NKAIN2: variants seen among roughly 807,000 people sequenced by gnomAD.
NKAIN2 encodes sodium/potassium-transporting ATPase subunit beta-1-interacting protein 2.
NKAIN2 carries 14 observed loss-of-function variants against 32.6 expected under a neutral mutation model. The observed-to-expected ratio is 0.43, with a 90% CI of 0.28 to 0.67. The LOEUF is 0.67. Ranked by LOEUF, NKAIN2 falls within the 30% of genes least tolerant of loss-of-function variation. NKAIN2 has a pLI of 0.17. For synonymous variants in NKAIN2, 80 were observed against 87.2 expected (o/e 0.92, Z 0.46); for missense variants, 198 against 258.3 (o/e 0.77, Z 1.60).
At chr6:124,466,471 A>G (rs762595971) in intron 3 of NKAIN2, among the ~76,000 whole-genome samples, 1 of 152,078 alleles carries the variant, frequency 6.6e-6, no homozygotes, top group Non-Finnish European at 1.5e-5. Flanking sequence ...GGACAGGTTA[A>G]TCTTCTTTTC....
At chr6:124,571,954 AC>A in intron 3 of NKAIN2, among the ~76,000 whole-genome samples, 1 of 151,760 alleles carries the variant, frequency 6.6e-6, no homozygotes, top group Admixed American at 6.6e-5. Flanking sequence ...TTCTTCTCCC[AC>A]TCACTCTGCC....
At chr6:124,686,380 G>T (rs781441259) in intron 4 of NKAIN2, among the ~76,000 whole-genome samples, 2 of 152,092 alleles carry the variant, frequency 1.3e-5, no homozygotes, top group Non-Finnish European at 2.9e-5. Context: ...CTCAGCTTCT[G>T]GAAAGGCCTC....
At chr6:124,010,017 A>T (rs940096575) in intron 1 of NKAIN2, among the ~76,000 whole-genome samples, 6 of 152,172 alleles carry the variant, frequency 3.9e-5, no homozygotes, top group Admixed American at 2.0e-4. Flanking sequence ...TAACAAGATG[A>T]GTATTTAAAG....
intron 1 of NKAIN2, among the ~76,000 whole-genome samples, chr6:124,071,165 A>G (rs1783445414): frequency 6.6e-6 from 1 of 152,196 alleles, no homozygotes; most frequent in Non-Finnish European, 1.5e-5. Context: ...GCCATAATCT[A>G]CAGGCCTCTG....
chr6:124,784,447 T>C (rs755296536), intron 4 of NKAIN2, among the ~76,000 whole-genome samples: 6 of 152,158 alleles, frequency 3.9e-5, no homozygotes, highest in Non-Finnish European at 7.4e-5. Context: ...AGTTTTATTA[T>C]GTCAAGAATG....
chr6:124,733,065 G>A (rs756972303), intron 4 of NKAIN2, among the ~76,000 whole-genome samples: 14 of 151,934 alleles, frequency 9.2e-5, no homozygotes, highest in South Asian at 4.1e-4. Context: ...AGTCAGAAAT[G>A]TTCCTAGACT....
chr6:123,887,232 AATG>A (rs747811534), intron 1 of NKAIN2, among the ~76,000 whole-genome samples: 4 of 152,144 alleles, frequency 2.6e-5, no homozygotes, highest in Non-Finnish European at 4.4e-5. Context: ...AGCTGCTGGT[AATG>A]ATGAGTCTGT....
chr6:124,584,384 G>A (rs925435927), intron 3 of NKAIN2, among the ~76,000 whole-genome samples: 2 of 152,120 alleles, frequency 1.3e-5, no homozygotes, highest in African/African-American at 2.4e-5. Context: ...AGGCATGGTG[G>A]CTTACATTTC....
intron 4 of NKAIN2, among the ~76,000 whole-genome samples, chr6:124,707,597 G>A (rs950481708): frequency 5.9e-5 from 8 of 135,676 alleles, no homozygotes; most frequent in African/African-American, 1.2e-4. Flanking sequence ...GCCAGTGATG[G>A]TGAGCATTTT....
At chr6:124,699,969 G>A (rs1182936182) in intron 4 of NKAIN2, among the ~76,000 whole-genome samples, 1 of 152,058 alleles carries the variant, frequency 6.6e-6, no homozygotes, top group African/African-American at 2.4e-5. Flanking sequence ...AACAAATGGG[G>A]GAACAATTAC....
In NKAIN2 at chr6:124,644,664, C is replaced by T. The variant is rs145528262; in HGVS notation, c.274-13522C>T. Among the ~76,000 whole-genome samples, 315 of 152,272 alleles carry T rather than the reference C, an allele frequency of 2.1e-3. 1 individual carries two copies. The highest frequency in any genetic ancestry group is 7.1e-3 in the African/African-American group (297 of 41,556). On this transcript the variant is annotated intron_variant, in intron 3 of 6. Transcript: ENST00000368417. The stretch of plus-strand genomic sequence containing the variant: ...TGTGATCCGCCTGCCTCGGCCCCCC[C>T]AAAGTGCTGGGATTATATGGCATGA...
At chr6:124,028,906 C>T (rs200171634) in intron 1 of NKAIN2, among the ~76,000 whole-genome samples, 1 of 14,984 alleles carries the variant, frequency 6.7e-5, no homozygotes, top group Non-Finnish European at 1.1e-4. Context: ...TATATATACA[C>T]ATATATGTAT....
chr6:124,486,145 C>T (rs923324732), intron 3 of NKAIN2, among the ~76,000 whole-genome samples: 3 of 152,136 alleles, frequency 2.0e-5, no homozygotes, highest in African/African-American at 7.2e-5. Flanking sequence ...GCTTCAATAA[C>T]ACAAAATGAA....
At chr6:124,023,056 ATG>A (rs1373516742) in intron 1 of NKAIN2, among the ~76,000 whole-genome samples, 1 of 151,466 alleles carries the variant, frequency 6.6e-6, no homozygotes, top group Non-Finnish European at 1.5e-5. Context: ...GTATGTATGT[ATG>A]TATGTATAAG....
In NKAIN2 at chr6:123,911,883, G is replaced by A. The variant is rs941848023; in HGVS notation, c.54+107629G>A. Among the ~76,000 whole-genome samples the A allele has an allele frequency of 2.1e-5, 3 of 141,198 alleles. No homozygotes were observed. In the East Asian group the frequency reaches 6.2e-4, roughly 29 times the overall value. 92.6% of individuals were successfully genotyped at this position (141,198 alleles called of 152,430 possible). A position where few individuals can be genotyped will look rare whatever the true frequency, so the allele number is the denominator to read the frequency against. On this transcript the variant is annotated intron_variant, in intron 1 of 6. Coordinates refer to ENST00000368417, the MANE Select transcript of NKAIN2 (RefSeq NM_001040214.3). ...CATATCAATTCCCCCCAACCCCCAA[G>A]GGCATATTTTCAAACTGGGCATCAA...
chr6:124,190,765 A>G (rs1187046644), intron 1 of NKAIN2, among the ~76,000 whole-genome samples: 1 of 152,150 alleles, frequency 6.6e-6, no homozygotes, highest in Non-Finnish European at 1.5e-5. Flanking sequence ...ATTAATAGAG[A>G]GTTCATTTCT....
At position 124,110,754 on chromosome 6, in the gene NKAIN2, C is replaced by A. The variant is rs140608455; in HGVS notation, c.55-172251C>A. Among the ~76,000 whole-genome samples, 118 of 152,192 alleles carry A rather than the reference C, an allele frequency of 7.8e-4. No homozygotes were observed. In the East Asian group the frequency reaches 0.019, roughly 24 times the overall value. On this transcript the variant is annotated intron_variant, in intron 1 of 6. Coordinates refer to ENST00000368417, the MANE Select transcript of NKAIN2 (RefSeq NM_001040214.3). The stretch of plus-strand genomic sequence containing the variant: ...TTCTTTTTCATGGCTGCATAATATT[C>A]CATGGTGTTTATGTACCACATTTTC...
chr6:124,227,623 G>C (rs1347682110), intron 1 of NKAIN2, among the ~76,000 whole-genome samples: 1 of 152,076 alleles, frequency 6.6e-6, no homozygotes, highest in Non-Finnish European at 1.5e-5. Flanking sequence ...ATTTTCCAGA[G>C]ATGCCGCAAG....
At chr6:124,425,506 G>A (rs573341880) in intron 3 of NKAIN2, among the ~76,000 whole-genome samples, 1 of 152,014 alleles carries the variant, frequency 6.6e-6, no homozygotes, top group Non-Finnish European at 1.5e-5. Flanking sequence ...ATAATGAAAT[G>A]GCAAACTACC....
Sources: gnomAD v4.1 joint callset for allele counts (sites outside exome capture counted in the v4.1 genomes callset) on GRCh38, gnomAD v4.1.1 for gene constraint, MANE v1.5 for transcripts, NCBI Gene and HGNC (gene_info 2026-07-23, HGNC 2026-07-21) for gene names.